ELMO1: variants seen among roughly 807,000 people sequenced by gnomAD.
The protein encoded by ELMO1 is engulfment and cell motility 1.
A neutral mutation model predicts 98.9 loss-of-function variants in ELMO1; 26 were observed. That is an observed-to-expected ratio of 0.26 (90% CI 0.19 to 0.36). The LOEUF (loss-of-function observed/expected upper bound fraction) is 0.36, where lower values mean the gene tolerates loss of function less well. Among genes scored for constraint, ELMO1 ranks in the 10% least tolerant of loss-of-function variants. The probability of loss-of-function intolerance (pLI) is 1.00; values close to 1 mark genes in which losing one functional copy is unlikely to be tolerated. For missense variants in ELMO1, 627 were observed against 935.2 expected (o/e 0.67, Z 4.30); for synonymous variants, 346 against 346.0 (o/e 1.00, Z 0.00).
intron 14 of ELMO1, among the ~76,000 whole-genome samples, chr7:37,130,325 G>A (rs1786826787): frequency 6.6e-6 from 1 of 152,162 alleles, no homozygotes; most frequent in African/African-American, 2.4e-5. Flanking sequence ...GCATTTGATG[G>A]TTACTTAGGA....
chr7:37,311,738 TA>T (rs1798903727), intron 4 of ELMO1, among the ~76,000 whole-genome samples: 1 of 152,126 alleles, frequency 6.6e-6, no homozygotes, highest in African/African-American at 2.4e-5. Context: ...AATGACACCG[TA>T]TTTACAAACA....
At chr7:37,084,079 T>A (rs1783624853) in intron 15 of ELMO1, among the ~76,000 whole-genome samples, 1 of 152,126 alleles carries the variant, frequency 6.6e-6, no homozygotes, top group African/African-American at 2.4e-5. Flanking sequence ...TGAAAATAGA[T>A]CATTTTTTTC....
chr7:36,904,500 T>C (rs967120729), intron 16 of ELMO1, among the ~76,000 whole-genome samples: 2 of 152,198 alleles, frequency 1.3e-5, no homozygotes, highest in African/African-American at 4.8e-5. Flanking sequence ...ATGCAATGTC[T>C]TACCCTGCAG....
chr7:37,147,555 A>G (rs1788062027), intron 13 of ELMO1, among the ~76,000 whole-genome samples: 1 of 152,184 alleles, frequency 6.6e-6, no homozygotes, highest in Non-Finnish European at 1.5e-5. Flanking sequence ...TGACCGTTCA[A>G]TTTATCAACT....
chr7:37,129,249 G>A (rs1393616241), intron 14 of ELMO1, among the ~76,000 whole-genome samples: 2 of 134,172 alleles, frequency 1.5e-5, no homozygotes, highest in East Asian at 4.1e-4. Flanking sequence ...TGAAGCACTC[G>A]GAACTCTTTA....
intron 4 of ELMO1, among the ~76,000 whole-genome samples, chr7:37,274,090 G>A (rs1255349246): frequency 2.0e-5 from 3 of 152,206 alleles, no homozygotes; most frequent in Non-Finnish European, 2.9e-5. Flanking sequence ...TCCGGAGAGA[G>A]CTAGCTCATT....
At chr7:36,904,039 C>T (rs1783781656) in intron 16 of ELMO1, among the ~76,000 whole-genome samples, 1 of 152,204 alleles carries the variant, frequency 6.6e-6, no homozygotes, top group Admixed American at 6.5e-5. Context: ...CATCAGGCTA[C>T]CTGGATCAGG....
intron 14 of ELMO1, among the ~76,000 whole-genome samples, chr7:37,131,057 T>G (rs1786886946): frequency 1.3e-5 from 2 of 152,146 alleles, no homozygotes; most frequent in South Asian, 4.1e-4. Flanking sequence ...CCTACAGCAC[T>G]ACTGCCATAT....
At chr7:37,406,492 C>T (rs1180134164) in intron 1 of ELMO1, among the ~76,000 whole-genome samples, 5 of 151,968 alleles carry the variant, frequency 3.3e-5, no homozygotes, top group African/African-American at 9.7e-5. Context: ...TGCAGTGGCG[C>T]GATCTCGGCT....
chr7:36,897,336 G>GTGTGTGTGTA (rs1554351193), intron 16 of ELMO1, among the ~76,000 whole-genome samples: 5 of 148,324 alleles, frequency 3.4e-5, no homozygotes, highest in Admixed American at 1.3e-4. Flanking sequence ...GTGTGTGTGT[G>GTGTGTGTGTA]TGTGTGTGTG....
chr7:36,972,758 A>G (rs754792711), intron 16 of ELMO1, among the ~76,000 whole-genome samples: 8 of 152,162 alleles, frequency 5.3e-5, no homozygotes, highest in Non-Finnish European at 1.2e-4. Context: ...TTCAATCTAT[A>G]TATCTATATA....
chr7:37,351,115 C>T (rs932726050), intron 1 of ELMO1: 2 of 152,130 alleles, frequency 1.3e-5, no homozygotes, highest in Non-Finnish European at 2.9e-5. Flanking sequence ...TTCTGAATTC[C>T]AAAAACCTTT....
At chr7:37,382,511 A>G (rs1054380129) in intron 1 of ELMO1, among the ~76,000 whole-genome samples, 2 of 152,128 alleles carry the variant, frequency 1.3e-5, no homozygotes, top group African/African-American at 4.8e-5. Flanking sequence ...CCCTCTCACT[A>G]TCTGCCTGAA....
intron 10 of ELMO1, among the ~76,000 whole-genome samples, chr7:37,221,275 C>T (rs1172435880): frequency 1.3e-5 from 2 of 152,226 alleles, no homozygotes; most frequent in Non-Finnish European, 2.9e-5. Flanking sequence ...ACCAGAACCC[C>T]TCATGTTTAG....
At chr7:37,277,174 C>T (rs1796885527) in intron 4 of ELMO1, among the ~76,000 whole-genome samples, 1 of 152,236 alleles carries the variant, frequency 6.6e-6, no homozygotes, top group East Asian at 1.9e-4. Flanking sequence ...AGGACTAATT[C>T]CTGTCCGCTG....
At chr7:37,448,603 C>G (rs1805761808) in intron 1 of ELMO1, 72 bp downstream of exon 1, 1 of 152,322 alleles carries the variant, frequency 6.6e-6, no homozygotes, top group African/African-American at 2.4e-5. Flanking sequence ...CGGCCCCAGT[C>G]CCGGCCCCCT....
chr7:37,016,832 T>C (rs1021979999), intron 15 of ELMO1, among the ~76,000 whole-genome samples: 5 of 152,240 alleles, frequency 3.3e-5, no homozygotes, highest in Non-Finnish European at 5.9e-5. Context: ...CAAGGTCACA[T>C]GGTTTGCAAG....
intron 16 of ELMO1, among the ~76,000 whole-genome samples, chr7:36,918,118 T>C (rs1223079682): frequency 2.0e-5 from 3 of 151,748 alleles, no homozygotes; most frequent in Admixed American, 2.0e-4. Context: ...GTGTAGGGAA[T>C]GGGGGGTGAA....
chr7:37,350,735 G>A (rs976480378), intron 1 of ELMO1, among the ~76,000 whole-genome samples: 8 of 152,136 alleles, frequency 5.3e-5, no homozygotes, highest in African/African-American at 1.9e-4. Flanking sequence ...GCTGTATTTG[G>A]AGACAGGACC....
Sources: allele counts gnomAD v4.1 joint callset (sites outside exome capture counted in the v4.1 genomes callset), GRCh38; gene constraint gnomAD v4.1.1; transcripts MANE v1.5; gene names NCBI Gene and HGNC (gene_info 2026-07-23, HGNC 2026-07-21).